DLGAP2: variants seen among roughly 807,000 people sequenced by gnomAD.
DLGAP2 encodes the protein DLG associated protein 2, also known as disks large-associated protein 2.
Under a neutral mutation model 100.3 loss-of-function variants are expected in DLGAP2, and 26 were observed. That is an observed-to-expected ratio of 0.26 (90% CI 0.19 to 0.36). The LOEUF (loss-of-function observed/expected upper bound fraction) is 0.36, where lower values mean the gene tolerates loss of function less well. Among genes scored for constraint, DLGAP2 ranks in the 10% least tolerant of loss-of-function variants. DLGAP2 has a pLI of 1.00. For missense variants in DLGAP2, 1,858 were observed against 1,453.2 expected (o/e 1.28, Z -4.53); for synonymous variants, 886 against 630.1 (o/e 1.41, Z -6.08).
At chr8:1,212,743 A>G (rs972571061) in intron 2 of DLGAP2, among the ~76,000 whole-genome samples, 6 of 142,602 alleles carry the variant, frequency 4.2e-5, no homozygotes, top group Non-Finnish European at 9.1e-5. Flanking sequence ...TTTTGCCAAG[A>G]CCTCTCTCTC....
chr8:1,005,999 G>A (rs1026186589), intron 2 of DLGAP2, among the ~76,000 whole-genome samples: 14 of 152,066 alleles, frequency 9.2e-5, no homozygotes, highest in Non-Finnish European at 2.1e-4. Flanking sequence ...GACCATCCTG[G>A]CCAACATGGT....
At chr8:946,521 C>T (rs1018247716) in intron 2 of DLGAP2, among the ~76,000 whole-genome samples, 1 of 152,290 alleles carries the variant, frequency 6.6e-6, no homozygotes, top group East Asian at 1.9e-4. Flanking sequence ...CCTTGGCCTC[C>T]CAAAGTGCTG....
chr8:1,368,653 C>T (rs895933309), intron 3 of DLGAP2: 26 of 152,176 alleles, frequency 1.7e-4, no homozygotes, highest in Admixed American at 4.6e-4. Context: ...TTTTGTGCGT[C>T]TGGTGCCGTA....
intron 2 of DLGAP2, among the ~76,000 whole-genome samples, chr8:1,022,025 G>T (rs894544355): frequency 6.6e-6 from 1 of 152,206 alleles, no homozygotes; most frequent in Non-Finnish European, 1.5e-5. Context: ...CACTGGCCTT[G>T]CAAAGGGGTG....
intron 2 of DLGAP2, among the ~76,000 whole-genome samples, chr8:1,220,382 A>G (rs11136364): frequency 0.58 from 87,705 of 151,990 alleles, 27,552 homozygotes; most frequent in African/African-American, 0.82. Flanking sequence ...TTCAAGAGGA[A>G]GCTGTTTAAT....
chr8:977,802 C>G (rs1179099425), intron 2 of DLGAP2, among the ~76,000 whole-genome samples: 22 of 74,034 alleles, frequency 3.0e-4, no homozygotes, highest in East Asian at 7.1e-4. Flanking sequence ...CAGTGAGGTG[C>G]TGGGTTCTGG....
At chr8:1,418,533 G>C (rs751414216) in intron 3 of DLGAP2, among the ~76,000 whole-genome samples, 1 of 152,078 alleles carries the variant, frequency 6.6e-6, no homozygotes, top group African/African-American at 2.4e-5. Flanking sequence ...CAGTCAAAAT[G>C]GAAGCTTCAC....
chr8:874,001 A>C (rs1255022159), intron 1 of DLGAP2, among the ~76,000 whole-genome samples: 1 of 152,086 alleles, frequency 6.6e-6, no homozygotes, highest in African/African-American at 2.4e-5. Context: ...GTTAGTGTAA[A>C]ATTATTCATA....
chr8:1,366,617 G>A, intron 3 of DLGAP2, among the ~76,000 whole-genome samples: 1 of 152,180 alleles, frequency 6.6e-6, no homozygotes, highest in East Asian at 1.9e-4. Context: ...CACAGGAACA[G>A]AGCAGGGGAC....
At chr8:927,037 A>T (rs1798831517) in intron 2 of DLGAP2, 1 of 985,080 alleles carries the variant, frequency 1.0e-6, no homozygotes, top group Non-Finnish European at 1.2e-6. Flanking sequence ...AGAGCCGGGG[A>T]CTGGAGGCCT....
chr8:1,074,789 T>C (rs1475384035), intron 2 of DLGAP2, among the ~76,000 whole-genome samples: 1 of 152,164 alleles, frequency 6.6e-6, no homozygotes, highest in Admixed American at 6.5e-5. Context: ...CGTTTAAGAT[T>C]ATATAGACTT....
At chr8:776,876 C>G in intron 1 of DLGAP2, among the ~76,000 whole-genome samples, 1 of 152,052 alleles carries the variant, frequency 6.6e-6, no homozygotes, top group African/African-American at 2.4e-5. Flanking sequence ...CCACTTGTTG[C>G]AGAGCTGAGT....
chr8:1,378,560 C>G (rs763402052), intron 3 of DLGAP2, among the ~76,000 whole-genome samples: 20 of 151,854 alleles, frequency 1.3e-4, no homozygotes, highest in Non-Finnish European at 2.2e-4. Flanking sequence ...CTTCGCCTGT[C>G]TGTCCTGCGC....
chr8:1,231,819 G>A (rs1182744693), intron 2 of DLGAP2, among the ~76,000 whole-genome samples: 2 of 152,102 alleles, frequency 1.3e-5, no homozygotes, highest in Non-Finnish European at 2.9e-5. Context: ...GGAAGGAAGG[G>A]CGGGAGGAAG....
intron 3 of DLGAP2, among the ~76,000 whole-genome samples, chr8:1,469,530 G>A (rs533253276): frequency 5.3e-5 from 8 of 152,292 alleles, no homozygotes; most frequent in Admixed American, 3.3e-4. Context: ...GTCTGCTGCT[G>A]AGGACCTTGC....
chr8:1,389,057 A>AG (rs1472511081), intron 3 of DLGAP2, among the ~76,000 whole-genome samples: 1 of 110,540 alleles, frequency 9.0e-6, no homozygotes, highest in Non-Finnish European at 1.9e-5. Context: ...GGGCTGTGAG[A>AG]GCAGAGGCCG....
At chr8:1,022,707 G>T (rs1330376063) in intron 2 of DLGAP2, among the ~76,000 whole-genome samples, 1 of 150,644 alleles carries the variant, frequency 6.6e-6, no homozygotes, top group Non-Finnish European at 1.5e-5. Context: ...ACCCTCCCTG[G>T]GGGTGGACAG....
chr8:1,095,312 G>T (rs934019187), intron 2 of DLGAP2, among the ~76,000 whole-genome samples: 2 of 152,140 alleles, frequency 1.3e-5, no homozygotes, highest in African/African-American at 2.4e-5. Context: ...CTGCAGAACC[G>T]CTCTCTCCCC....
chr8:1,564,119 G>A (rs1477093921), intron 5 of DLGAP2, among the ~76,000 whole-genome samples: 1 of 152,178 alleles, frequency 6.6e-6, no homozygotes, highest in Non-Finnish European at 1.5e-5. Context: ...TCTACACTCA[G>A]CGACTGCATG....
Sources: gnomAD v4.1 joint callset for allele counts (sites outside exome capture counted in the v4.1 genomes callset) on GRCh38, gnomAD v4.1.1 for gene constraint, MANE v1.5 for transcripts, NCBI Gene and HGNC (gene_info 2026-07-23, HGNC 2026-07-21) for gene names.